Variants in TTC28 observed in about 807,000 individuals in gnomAD.
TTC28 encodes tetratricopeptide repeat protein 28.
Under a neutral mutation model 198.0 loss-of-function variants are expected in TTC28, and 61 were observed. That is an observed-to-expected ratio of 0.31 (90% CI 0.25 to 0.38). The LOEUF is 0.38. TTC28 is among the 10% of genes least tolerant of loss of function. The probability of loss-of-function intolerance (pLI) is 1.00; values close to 1 mark genes in which losing one functional copy is unlikely to be tolerated. For missense variants in TTC28, 2,678 were observed against 3,164.0 expected (o/e 0.85, Z 3.69); for synonymous variants, 1,171 against 1,297.8 (o/e 0.90, Z 2.10).
chr22:28,486,367 G>T (rs2048314910), intron 2 of TTC28, among the ~76,000 whole-genome samples: 1 of 152,086 alleles, frequency 6.6e-6, no homozygotes, highest in African/African-American at 2.4e-5. Flanking sequence ...TAAGAAATGA[G>T]ACTAGCTGCA....
chr22:28,419,473 C>A (rs2047216133), intron 2 of TTC28, among the ~76,000 whole-genome samples: 1 of 152,160 alleles, frequency 6.6e-6, no homozygotes, highest in Non-Finnish European at 1.5e-5. Context: ...ATTCCTTGCC[C>A]AAAGTAGATG....
At chr22:28,378,494 T>C (rs1420914343) in intron 2 of TTC28, among the ~76,000 whole-genome samples, 2 of 151,864 alleles carry the variant, frequency 1.3e-5, no homozygotes, top group East Asian at 1.9e-4. Context: ...ACCCCATCTC[T>C]ACAAAACAAT....
intron 2 of TTC28, among the ~76,000 whole-genome samples, chr22:28,313,686 T>A (rs1368240111): frequency 6.6e-6 from 1 of 152,114 alleles, no homozygotes. Flanking sequence ...AACCTCTCAA[T>A]AAACTAAGTA....
Position 28,579,272 on chromosome 22 carries a change from C to T in TTC28, c.381+50280G>A, listed in dbSNP as rs530228731. 3.1e-4 allele frequency among the ~76,000 whole-genome samples: 46 copies of T among 148,754 alleles called. No homozygotes were observed. In the East Asian group the frequency reaches 8.3e-3, roughly 27 times the overall value. ...AGCTATATGTAAGTATAGCTATATA[C>T]GTATATAACCATATACGTATATAGC... On this transcript the variant is annotated intron_variant, in intron 2 of 22. Transcript: ENST00000397906.
At chr22:28,034,229 G>C (rs1939241838) in intron 12 of TTC28, among the ~76,000 whole-genome samples, 1 of 152,166 alleles carries the variant, frequency 6.6e-6, no homozygotes, top group South Asian at 2.1e-4. Context: ...GATAACTCGA[G>C]GGAGACAGGG....
At chr22:28,015,828 T>A (rs1938349399) in intron 13 of TTC28, among the ~76,000 whole-genome samples, 1 of 151,784 alleles carries the variant, frequency 6.6e-6, no homozygotes, top group African/African-American at 2.4e-5. Context: ...GTAAACCAGA[T>A]ACACTGCTGA....
chr22:28,231,854 A>C (rs902211653), intron 5 of TTC28, among the ~76,000 whole-genome samples: 3 of 152,236 alleles, frequency 2.0e-5, no homozygotes, highest in African/African-American at 7.2e-5. Context: ...AATATGAAAC[A>C]AATAATCAAT....
At chr22:28,202,363 C>G (rs1926039976) in intron 5 of TTC28, among the ~76,000 whole-genome samples, 1 of 151,842 alleles carries the variant, frequency 6.6e-6, no homozygotes, top group Non-Finnish European at 1.5e-5. Context: ...ATGGTGAAAC[C>G]CTGTCTCTAC....
At position 28,511,359 on chromosome 22, in the gene TTC28, C is replaced by G. The variant is rs1340920248; in HGVS notation, c.381+118193G>C. Among the ~76,000 whole-genome samples the G allele has an allele frequency of 2.0e-5, 3 of 152,142 alleles. No individual in the cohort carries two copies. In the East Asian group the frequency reaches 5.8e-4, roughly 29 times the overall value. ...AGAACTCAGAAATAAGCCTGCACAC[C>G]TACAACCATCTGATCTTTTACAAAC... On this transcript the variant is annotated intron_variant, in intron 2 of 22. Coordinates refer to ENST00000397906, the MANE Select transcript of TTC28 (RefSeq NM_001145418.2).
At chr22:28,386,768 G>A (rs889845540) in intron 2 of TTC28, among the ~76,000 whole-genome samples, 1 of 152,014 alleles carries the variant, frequency 6.6e-6, no homozygotes, top group Non-Finnish European at 1.5e-5. Context: ...GTGTTTCCTT[G>A]AGACATTTTT....
At position 28,204,543 on chromosome 22, in the gene TTC28, C is replaced by G. The variant is rs578103037; in HGVS notation, c.934-40944G>C. Among the ~76,000 whole-genome samples, 6 of 152,224 alleles carry G rather than the reference C, an allele frequency of 3.9e-5. 1 individual carries two copies. The South Asian group carries it at 1.0e-3, about 26-fold the overall frequency. ...TCCATCTAACTCTGAGGCCTATGCT[C>G]TTTCCACACCATGTGTCCAATACCA... On this transcript the variant is annotated intron_variant, in intron 5 of 22. Coordinates refer to ENST00000397906, the MANE Select transcript of TTC28 (RefSeq NM_001145418.2).
intron 6 of TTC28, among the ~76,000 whole-genome samples, chr22:28,129,310 T>A (rs2146959344): frequency 6.6e-6 from 1 of 152,306 alleles, no homozygotes; most frequent in East Asian, 1.9e-4. Flanking sequence ...AATCCCAATG[T>A]CAGATCTAGA....
chr22:28,656,128 A>T (rs2051646572), intron 1 of TTC28, among the ~76,000 whole-genome samples: 1 of 152,208 alleles, frequency 6.6e-6, no homozygotes, highest in Non-Finnish European at 1.5e-5. Flanking sequence ...GAGTTAACAA[A>T]CGCTCAGAGG....
chr22:28,675,735 T>TCACTCACA (rs1555910098), intron 1 of TTC28, among the ~76,000 whole-genome samples: 9 of 135,206 alleles, frequency 6.7e-5, no homozygotes, highest in African/African-American at 2.2e-4. Flanking sequence ...TGAAACCCTG[T>TCACTCACA]CACACACACA....
chr22:28,296,884 C>G (rs1343364710), intron 4 of TTC28, among the ~76,000 whole-genome samples: 4 of 152,150 alleles, frequency 2.6e-5, no homozygotes, highest in African/African-American at 9.7e-5. Flanking sequence ...AGTCACACAG[C>G]TAGTAAGTGG....
chr22:28,661,488 T>C (rs2051746287), intron 1 of TTC28, among the ~76,000 whole-genome samples: 1 of 152,118 alleles, frequency 6.6e-6, no homozygotes, highest in Admixed American at 6.6e-5. Flanking sequence ...GGTGCCAACA[T>C]AGCTCACTGT....
At chr22:28,243,401 A>G (rs1432979332) in intron 5 of TTC28, among the ~76,000 whole-genome samples, 2 of 150,478 alleles carry the variant, frequency 1.3e-5, no homozygotes, top group African/African-American at 4.9e-5. Flanking sequence ...TGGAGTTTTC[A>G]TATTTGGCTC....
intron 14 of TTC28, chr22:28,002,389 G>A (rs1440578592): frequency 2.6e-5 from 4 of 152,244 alleles, no homozygotes; most frequent in East Asian, 1.9e-4. Context: ...GGTGCCAGGG[G>A]TGGGGCTGGC....
chr22:28,238,013 G>A (rs960771530), intron 5 of TTC28, among the ~76,000 whole-genome samples: 7 of 151,942 alleles, frequency 4.6e-5, no homozygotes, highest in African/African-American at 1.7e-4. Context: ...AGTTTCTCTG[G>A]CTGTTCTTCA....
Sources: allele counts gnomAD v4.1 joint callset (sites outside exome capture counted in the v4.1 genomes callset), GRCh38; gene constraint gnomAD v4.1.1; transcripts MANE v1.5; gene names NCBI Gene and HGNC (gene_info 2026-07-23, HGNC 2026-07-21).